Variants in ELMO1 observed in about 807,000 individuals in gnomAD.
The protein encoded by ELMO1 is engulfment and cell motility 1.
In ELMO1, 26 loss-of-function variants were observed where a neutral mutation model predicts 98.9. That is an observed-to-expected ratio of 0.26 (90% CI 0.19 to 0.36). The LOEUF (loss-of-function observed/expected upper bound fraction) is 0.36, where lower values mean the gene tolerates loss of function less well. Ranked by LOEUF, ELMO1 falls within the 10% of genes least tolerant of loss-of-function variation. ELMO1 has a pLI of 1.00. For synonymous variants in ELMO1, 346 were observed against 346.0 expected, an observed-to-expected ratio of 1.00 and a Z score of 0.00; for missense variants, 627 against 935.2, an observed-to-expected ratio of 0.67 and a Z score of 4.30.
At chr7:37,115,944 T>C (rs996606999) in intron 14 of ELMO1, among the ~76,000 whole-genome samples, 2 of 152,236 alleles carry the variant, frequency 1.3e-5, no homozygotes, top group Admixed American at 6.5e-5. Context: ...TAATGTGAGA[T>C]GTTAATAACA....
chr7:37,222,728 C>G (rs1464632935), intron 9 of ELMO1, 35 bp from the exon 10 acceptor site: 1 of 1,601,498 alleles, frequency 6.2e-7, no homozygotes, highest in Non-Finnish European at 8.5e-7. Flanking sequence ...AAAATCAGAA[C>G]ACGAAGTCAG....
chr7:36,915,343 A>G (rs1784614783), intron 16 of ELMO1, among the ~76,000 whole-genome samples: 1 of 152,240 alleles, frequency 6.6e-6, no homozygotes, highest in Non-Finnish European at 1.5e-5. Flanking sequence ...TAATATATGC[A>G]TATTTGAAAC....
chr7:37,446,114 C>T (rs1805602234), intron 1 of ELMO1, among the ~76,000 whole-genome samples: 1 of 152,224 alleles, frequency 6.6e-6, no homozygotes, highest in African/African-American at 2.4e-5. Flanking sequence ...ACCTGGGCTT[C>T]TCACTTGCAC....
chr7:37,388,488 T>G (rs1388633462), intron 1 of ELMO1, among the ~76,000 whole-genome samples: 2 of 151,714 alleles, frequency 1.3e-5, no homozygotes, highest in African/African-American at 4.8e-5. Context: ...TCTGGGAAGT[T>G]GTAATTGGGA....
intron 1 of ELMO1, among the ~76,000 whole-genome samples, chr7:37,347,034 T>C (rs1019919026): frequency 6.6e-6 from 1 of 152,164 alleles, no homozygotes. Context: ...CAAGCCCAAT[T>C]AGACCTCATC....
chr7:37,020,855 A>G (rs1006094991), intron 15 of ELMO1, among the ~76,000 whole-genome samples: 2 of 152,238 alleles, frequency 1.3e-5, no homozygotes, highest in African/African-American at 4.8e-5. Flanking sequence ...AAAATGGAAT[A>G]TATCATACAC....
intron 15 of ELMO1, among the ~76,000 whole-genome samples, chr7:37,092,151 T>C (rs1272212203): frequency 1.3e-5 from 2 of 151,976 alleles, no homozygotes; most frequent in Non-Finnish European, 2.9e-5. Context: ...AAACTGAAAC[T>C]AAGAGAAAAT....
rs56928749 is a variant in ELMO1 at position 36,970,180 on chromosome 7, AACACACACACACACACACAC to A, written c.1437+43099_1437+43118del. ...CACACACAAATACATTCATACACTT[AACACACACACACACACACAC>A]ACACACACACACACACACACGCACA... On this transcript the variant is annotated intron_variant, in intron 16 of 21. Coordinates refer to ENST00000310758, the MANE Select transcript of ELMO1 (RefSeq NM_014800.11). Among the ~76,000 whole-genome samples the A allele has an allele frequency of 4.2e-3, 613 of 144,354 alleles. 2 individuals are homozygous for A. The highest frequency in any genetic ancestry group is 6.4e-3 in the Non-Finnish European group (421 of 65,738). The allele number at this position is 144,354 out of a possible 152,430, so 94.7% of individuals were successfully genotyped here. A position where few individuals can be genotyped will look rare whatever the true frequency, so the allele number is the denominator to read the frequency against.
intron 14 of ELMO1, among the ~76,000 whole-genome samples, chr7:37,104,813 G>C (rs987225284): frequency 6.7e-6 from 1 of 150,180 alleles, no homozygotes; most frequent in Non-Finnish European, 1.5e-5. Flanking sequence ...AGGAAAAGGA[G>C]AAAAAGAATG....
At chr7:37,436,116 T>C (rs1261649771) in intron 1 of ELMO1, among the ~76,000 whole-genome samples, 4 of 152,236 alleles carry the variant, frequency 2.6e-5, no homozygotes, top group Non-Finnish European at 5.9e-5. Flanking sequence ...ATGTTTGAAA[T>C]CACTTTTAAG....
At chr7:37,059,236 A>G (rs1164584320) in intron 15 of ELMO1, among the ~76,000 whole-genome samples, 4 of 152,214 alleles carry the variant, frequency 2.6e-5, no homozygotes, top group Admixed American at 2.6e-4. Context: ...GGGGGCTTTT[A>G]CAGACAGATG....
intron 4 of ELMO1, among the ~76,000 whole-genome samples, chr7:37,302,889 G>A (rs73344199): frequency 3.0e-3 from 452 of 152,200 alleles, no homozygotes; most frequent in African/African-American, 0.01. Context: ...TGGAAAGAAT[G>A]GGCAACCTAG....
At chr7:36,949,396 C>T (rs907297430) in intron 16 of ELMO1, among the ~76,000 whole-genome samples, 3 of 151,922 alleles carry the variant, frequency 2.0e-5, no homozygotes, top group East Asian at 1.9e-4. Flanking sequence ...TGGGACTTCA[C>T]GGAATTTTCT....
intron 1 of ELMO1, among the ~76,000 whole-genome samples, chr7:37,386,135 G>T (rs751447039): frequency 6.6e-6 from 1 of 152,228 alleles, no homozygotes; most frequent in Non-Finnish European, 1.5e-5. Flanking sequence ...CCTGGAGCTG[G>T]TTCCTTGAGG....
At chr7:37,221,340 C>T (rs998937217) in intron 10 of ELMO1, among the ~76,000 whole-genome samples, 2 of 152,184 alleles carry the variant, frequency 1.3e-5, no homozygotes, top group Non-Finnish European at 2.9e-5. Flanking sequence ...TCCAAAAATT[C>T]TTGTCATAGC....
chr7:37,439,942 C>A (rs1805323169), intron 1 of ELMO1, among the ~76,000 whole-genome samples: 3 of 152,094 alleles, frequency 2.0e-5, no homozygotes, highest in South Asian at 2.1e-4. Flanking sequence ...ATAATTGTTT[C>A]TTTGCTTCTA....
chr7:37,097,286 C>A (rs1784411552), intron 14 of ELMO1, among the ~76,000 whole-genome samples: 1 of 152,158 alleles, frequency 6.6e-6, no homozygotes, highest in Non-Finnish European at 1.5e-5. Context: ...GTCTGTAATC[C>A]CAGCACTGCG....
At chr7:37,358,381 A>G (rs1232722737) in intron 1 of ELMO1, among the ~76,000 whole-genome samples, 1 of 152,242 alleles carries the variant, frequency 6.6e-6, no homozygotes, top group Non-Finnish European at 1.5e-5. Context: ...ACTAATGACA[A>G]TAAAAACAAG....
At chr7:37,057,402 G>T (rs184397621) in intron 15 of ELMO1, among the ~76,000 whole-genome samples, 1 of 152,304 alleles carries the variant, frequency 6.6e-6, no homozygotes, top group East Asian at 1.9e-4. Flanking sequence ...TTGTGGGGTA[G>T]ATGTGTCCTA....
Sources: gnomAD v4.1 joint callset for allele counts (sites outside exome capture counted in the v4.1 genomes callset) on GRCh38, gnomAD v4.1.1 for gene constraint, MANE v1.5 for transcripts, NCBI Gene and HGNC (gene_info 2026-07-23, HGNC 2026-07-21) for gene names.